WWOX: variants seen among roughly 807,000 people sequenced by gnomAD.
The protein encoded by WWOX is WW domain-containing oxidoreductase.
A neutral mutation model predicts 46.2 loss-of-function variants in WWOX; 69 were observed. That is an observed-to-expected ratio of 1.49 (90% CI 1.23 to 1.82). The LOEUF (loss-of-function observed/expected upper bound fraction) is 1.82, where lower values mean the gene tolerates loss of function less well. WWOX is among the 40% of genes most tolerant of loss of function. The pLI is 0.00. For missense variants in WWOX, 919 were observed against 542.6 expected, an observed-to-expected ratio of 1.69 and a Z score of -6.89; for synonymous variants, 359 against 202.6, an observed-to-expected ratio of 1.77 and a Z score of -6.56.
intron 8 of WWOX, among the ~76,000 whole-genome samples, chr16:79,050,569 C>T (rs1224176578): frequency 6.6e-6 from 1 of 152,152 alleles, no homozygotes; most frequent in Non-Finnish European, 1.5e-5. Flanking sequence ...AAGCCCGGGG[C>T]ATGGATCCAG....
chr16:78,605,832 A>AGT (rs1003602064), intron 8 of WWOX, among the ~76,000 whole-genome samples: 13 of 151,958 alleles, frequency 8.6e-5, no homozygotes, highest in Admixed American at 5.2e-4. Context: ...GGTTAAGTGG[A>AGT]GTGTGTGTGT....
chr16:79,029,803 C>T (rs539526680), intron 8 of WWOX, among the ~76,000 whole-genome samples: 30 of 152,264 alleles, frequency 2.0e-4, no homozygotes, highest in African/African-American at 6.7e-4. Flanking sequence ...TGGACTCTCC[C>T]GCTAGTATAA....
In WWOX at chr16:78,918,840, C is replaced by G. The variant is rs141082798; in HGVS notation, c.1057-292768C>G. Among the ~76,000 whole-genome samples the G allele has an allele frequency of 3.0e-4, 46 of 152,278 alleles. 1 individual carries two copies. Among genetic ancestry groups the G allele is most frequent in the African/African-American group, 1.1e-3 (46 of 41,580 alleles). On this transcript the variant is annotated intron_variant, in intron 8 of 8. Transcript: ENST00000566780. ...GGCTTCTCTCTTTCCTTTGCGGGGT[C>G]TCACATGATCCGTCGTTCCAAATAT...
intron 8 of WWOX, among the ~76,000 whole-genome samples, chr16:79,115,237 A>C (rs2049492199): frequency 6.6e-6 from 1 of 152,218 alleles, no homozygotes; most frequent in Non-Finnish European, 1.5e-5. Context: ...AATTCTCTCT[A>C]ACAATCAATG....
intron 5 of WWOX, among the ~76,000 whole-genome samples, chr16:78,279,299 T>C (rs1269324783): frequency 6.6e-6 from 1 of 152,048 alleles, no homozygotes; most frequent in Non-Finnish European, 1.5e-5. Context: ...CCTCTCATAT[T>C]AAGTATTTTG....
At chr16:78,673,468 C>T (rs918469697) in intron 8 of WWOX, among the ~76,000 whole-genome samples, 3 of 152,070 alleles carry the variant, frequency 2.0e-5, no homozygotes, top group Non-Finnish European at 2.9e-5. Flanking sequence ...AACACGAAAC[C>T]CCTCTAAAAC....
intron 8 of WWOX, among the ~76,000 whole-genome samples, chr16:78,835,123 T>C (rs1053660429): frequency 6.6e-6 from 1 of 152,160 alleles, no homozygotes. Flanking sequence ...TAAGGTAATA[T>C]ATGGGCTTGA....
At chr16:78,336,854 G>T (rs1054288163) in intron 5 of WWOX, among the ~76,000 whole-genome samples, 9 of 152,076 alleles carry the variant, frequency 5.9e-5, no homozygotes, top group African/African-American at 2.2e-4. Context: ...GTGCAGTGGT[G>T]CAATCTCCTC....
intron 8 of WWOX, among the ~76,000 whole-genome samples, chr16:78,973,491 C>G (rs540440043): frequency 6.6e-6 from 1 of 152,322 alleles, no homozygotes; most frequent in South Asian, 2.1e-4. Flanking sequence ...CTTCAAACAT[C>G]TCTAACAACA....
intron 8 of WWOX, among the ~76,000 whole-genome samples, chr16:78,937,862 A>C (rs907359459): frequency 9.2e-5 from 14 of 152,130 alleles, no homozygotes; most frequent in Non-Finnish European, 2.1e-4. Context: ...TCCTGAGGTC[A>C]AGCAATCTAC....
chr16:78,559,250 T>A lies in WWOX; in HGVS notation c.1056+126498T>A, dbSNP rs76961781. Among the ~76,000 whole-genome samples the A allele has an allele frequency of 9.0e-3, 1,374 of 152,292 alleles. 18 individuals carry two copies. Among genetic ancestry groups the A allele is most frequent in the African/African-American group, 0.031 (1,282 of 41,564 alleles). On this transcript the variant is annotated intron_variant, in intron 8 of 8. Transcript: ENST00000566780. ...GGTATCTCACATAATAAGGGGACCA[T>A]GCATGTATTTTAGAAAGAGCCCTCT...
chr16:78,159,718 T>C (rs2034726486), intron 4 of WWOX, among the ~76,000 whole-genome samples: 2 of 141,616 alleles, frequency 1.4e-5, no homozygotes, highest in Non-Finnish European at 3.0e-5. Context: ...TAGGAGTTCC[T>C]TATATATTTT....
At chr16:78,273,700 T>C (rs1412499927) in intron 5 of WWOX, among the ~76,000 whole-genome samples, 2 of 152,166 alleles carry the variant, frequency 1.3e-5, no homozygotes, top group Non-Finnish European at 1.5e-5. Context: ...TTTTGATAGA[T>C]ACTTGGTAAA....
intron 8 of WWOX, among the ~76,000 whole-genome samples, chr16:78,555,765 G>C (rs1597259660): frequency 6.6e-6 from 1 of 152,052 alleles, no homozygotes; most frequent in Non-Finnish European, 1.5e-5. Context: ...GAGTGCAAAA[G>C]AAGCCTCTTG....
chr16:78,294,380 G>C (rs1268507232), intron 5 of WWOX, among the ~76,000 whole-genome samples: 1 of 151,270 alleles, frequency 6.6e-6, no homozygotes, highest in Non-Finnish European at 1.5e-5. Context: ...GTTGTTCCTG[G>C]TCTTGCCACT....
intron 5 of WWOX, among the ~76,000 whole-genome samples, chr16:78,300,650 A>G (rs1051473956): frequency 1.3e-5 from 2 of 152,026 alleles, no homozygotes; most frequent in Non-Finnish European, 2.9e-5. Flanking sequence ...GAAATGATTC[A>G]TTACTTTATG....
At chr16:78,393,895 C>T (rs570796137) in intron 6 of WWOX, among the ~76,000 whole-genome samples, 1 of 151,856 alleles carries the variant, frequency 6.6e-6, no homozygotes, top group African/African-American at 2.4e-5. Context: ...TGCTTTACTT[C>T]TTAAACATAT....
intron 8 of WWOX, among the ~76,000 whole-genome samples, chr16:78,937,812 G>C (rs773000680): frequency 6.6e-6 from 1 of 151,850 alleles, no homozygotes; most frequent in Non-Finnish European, 1.5e-5. Context: ...TTTTTAAATA[G>C]AGGTCTGTTT....
intron 8 of WWOX, chr16:78,890,630 G>C (rs2044569436): frequency 6.6e-6 from 1 of 152,188 alleles, no homozygotes. Context: ...GTCTACATGT[G>C]GTCTGCTCAC....
Sources: gnomAD v4.1 joint callset for allele counts (sites outside exome capture counted in the v4.1 genomes callset) on GRCh38, gnomAD v4.1.1 for gene constraint, MANE v1.5 for transcripts, NCBI Gene and HGNC (gene_info 2026-07-23, HGNC 2026-07-21) for gene names.